UBE3B: variants seen among roughly 807,000 people sequenced by gnomAD.
UBE3B encodes the protein ubiquitin-protein ligase E3B.
UBE3B carries 80 observed loss-of-function variants against 132.3 expected under a neutral mutation model. That is an observed-to-expected ratio of 0.60 (90% confidence interval 0.50 to 0.73). UBE3B has a LOEUF of 0.73. Among genes scored for constraint, UBE3B ranks in the 30% least tolerant of loss-of-function variants. UBE3B has a pLI of 0.00. For missense variants in UBE3B, 1,196 were observed against 1,362.5 expected, an observed-to-expected ratio of 0.88 and a Z score of 1.92; for synonymous variants, 487 against 520.4, an observed-to-expected ratio of 0.94 and a Z score of 0.87.
chr12:109,527,502 G>C (rs543904936), intron 24 of UBE3B, among the ~76,000 whole-genome samples: 7 of 152,224 alleles, frequency 4.6e-5, no homozygotes, highest in Non-Finnish European at 8.8e-5. Flanking sequence ...TCGCAGTCCA[G>C]TGTTCCCAAG....
chr12:109,488,485 T>G, intron 6 of UBE3B, 87 bp from the exon 7 acceptor site: 1 of 1,170,882 alleles, frequency 8.5e-7, no homozygotes, highest in East Asian at 2.3e-5. Context: ...CCAGGCTGAG[T>G]GCCCATAGAG....
At chr12:109,488,697 C>G (rs1355826968) in intron 7 of UBE3B, 29 bp downstream of exon 7, 1 of 1,594,928 alleles carries the variant, frequency 6.3e-7, no homozygotes, top group Non-Finnish European at 8.6e-7. Context: ...AAAATGTTCT[C>G]TAACCAACAT....
In UBE3B at chr12:109,511,777, T is replaced by C. The variant is rs2241211; in HGVS notation, c.1956+474T>C. Among the ~76,000 whole-genome samples the C allele has an allele frequency of 2.0e-3, 301 of 152,286 alleles. 3 individuals are homozygous for C. The East Asian group carries it at 0.046, about 23-fold the overall frequency. ...GCTTTCTGCAAAGCCACCGGAGGGC[T>C]GGAAGCTTAGGAGGCACCTGGTCAG... On this transcript the variant is annotated intron_variant, in intron 18 of 27. Transcript: ENST00000342494.
downstream of UBE3B, among the ~76,000 whole-genome samples, chr12:109,538,689 C>A (rs536582594): frequency 7.1e-4 from 108 of 152,336 alleles, no homozygotes; most frequent in South Asian, 2.3e-3. The surrounding 1 kb of genome is among the most constrained non-coding windows in gnomAD (Gnocchi z 4.1). Flanking sequence ...CCTGCTGCTG[C>A]TGATGATCCC....
At chr12:109,547,414 G>A in the UBE3B span, among the ~76,000 whole-genome samples, 1 of 152,248 alleles carries the variant, frequency 6.6e-6, no homozygotes, top group African/African-American at 2.4e-5. The surrounding 1 kb of genome is among the most constrained non-coding windows in gnomAD (Gnocchi z 4.1). Context: ...GTTCCATCCT[G>A]AGAACTCGAT....
Position 109,516,946 on chromosome 12 carries a change from T to C in UBE3B, c.2076+62T>C, listed in dbSNP as rs1881143572. ...GTGGGCCCTGCAACATGGAAGCTCT[T>C]TAGTGGACGGTCTCTGGCTTTTGAA... On this transcript the variant is annotated intron_variant, in intron 19 of 27. Coordinates refer to ENST00000342494, the MANE Select transcript of UBE3B (RefSeq NM_130466.4). 2.5e-6 allele frequency: 4 copies of C among 1,583,672 alleles called. No homozygotes were observed. In the South Asian group the frequency reaches 4.5e-5, roughly 18 times the overall value.
chr12:109,494,083 C>T (rs1004164307), intron 9 of UBE3B, among the ~76,000 whole-genome samples: 2 of 152,172 alleles, frequency 1.3e-5, no homozygotes, highest in Non-Finnish European at 2.9e-5. Flanking sequence ...GCCTCAGCCT[C>T]TCAAAAAGTG....
At chr12:109,514,679 C>T (rs1197841124) in intron 18 of UBE3B, among the ~76,000 whole-genome samples, 1 of 152,106 alleles carries the variant, frequency 6.6e-6, no homozygotes, top group African/African-American at 2.4e-5. Flanking sequence ...CTCAAAAGTC[C>T]TACAGTTCCC....
At chr12:109,507,459 T>C in intron 14 of UBE3B, 105 bp from the exon 15 acceptor site, 1 of 1,244,930 alleles carries the variant, frequency 8.0e-7, no homozygotes, top group Non-Finnish European at 1.1e-6. Flanking sequence ...GCACATTAAA[T>C]GTTCATGGAT....
At chr12:109,510,041 T>C (rs542028473) in intron 16 of UBE3B, among the ~76,000 whole-genome samples, 1 of 152,318 alleles carries the variant, frequency 6.6e-6, no homozygotes, top group South Asian at 2.1e-4. Context: ...CAGTGCACAC[T>C]TGAGATGAGA....
intron 14 of UBE3B, among the ~76,000 whole-genome samples, chr12:109,507,193 C>G (rs1879796390): frequency 6.6e-6 from 1 of 152,232 alleles, no homozygotes; most frequent in Non-Finnish European, 1.5e-5. Context: ...AATGCTAAGT[C>G]AGACCTGAGT....
chr12:109,524,080 G>A lies in UBE3B; in HGVS notation c.2467G>A (p.Asp823Asn). 1 of 1,614,124 alleles carries A rather than the reference G, an allele frequency of 6.2e-7. No homozygotes were observed. The highest frequency in any genetic ancestry group is 8.5e-7 in the Non-Finnish European group (1 of 1,180,026). ...YSSVDELPSL[D>N]SEFYKNLTSI... Reference sequence around the variant, plus strand: ...CTCGGTGGATGAACTGCCTTCTCTGGACTCCGAGTTCTATAAAAACCTCAC... The same window carrying A: ...CTCGGTGGATGAACTGCCTTCTCTGAACTCCGAGTTCTATAAAAACCTCAC... The change falls in exon 22 of 28, where the codon GAC becomes AAC. Residue 823 changes from aspartate to asparagine, a missense_variant. Transcript: ENST00000342494.
Position 109,534,489 on chromosome 12 carries a change from A to C in UBE3B, c.3016-102A>C. 1 of 1,495,304 alleles carries C rather than the reference A, an allele frequency of 6.7e-7. No individual in the cohort carries two copies. Among genetic ancestry groups the C allele is most frequent in the Non-Finnish European group, 8.9e-7 (1 of 1,124,760 alleles). The allele number at this position is 1,495,304 out of a possible 1,614,324, so 92.6% of individuals were successfully genotyped here. A position where few individuals can be genotyped will look rare whatever the true frequency, so the allele number is the denominator to read the frequency against. On this transcript the variant is annotated intron_variant, in intron 27 of 27. Transcript: ENST00000342494. This position sits in a 1 kb window ranked among gnomAD's most constrained non-coding sequence, Gnocchi z 5.2. ...GCGCCCTGCACTCTGCCCAGCATCC[A>C]GGGACTGGCCAGATCCCCTCCCTGG...
chr12:109,537,503 G>T (rs568749634), downstream of UBE3B, among the ~76,000 whole-genome samples: 1 of 152,288 alleles, frequency 6.6e-6, no homozygotes, highest in East Asian at 1.9e-4. Context: ...AAGAACCCTG[G>T]AGAGGCTTGT....
chr12:109,483,572 C>A lies in UBE3B; in HGVS notation c.21C>A (p.Thr7=). MFTLSQ[T]SRAWFIDRAR... Reference sequence around the variant, plus strand: ...CAAACATGTTCACCCTGTCTCAGACCTCGAGAGCATGGTTCATCGATAGAG... The same window carrying A: ...CAAACATGTTCACCCTGTCTCAGACATCGAGAGCATGGTTCATCGATAGAG... The change falls in exon 3 of 28, where the codon ACC becomes ACA. Residue 7 remains threonine (T), a synonymous_variant. Transcript: ENST00000342494. The A allele has an allele frequency of 2.5e-6, 4 of 1,594,304 alleles. No individual in the cohort carries two copies. Among genetic ancestry groups the A allele is most frequent in the Non-Finnish European group, 2.6e-6 (3 of 1,173,354 alleles).
At position 109,483,516 on chromosome 12, in the gene UBE3B, C is replaced by T; in HGVS notation, c.-21-15C>T. ...ACAACAATCTACAACACCCACTTGC[C>T]CATTTTCCTTGCAGGGTTTGTGCAA... is the stretch of plus-strand genomic sequence containing the variant. On this transcript the variant is annotated splice_polypyrimidine_tract_variant and intron_variant, in intron 2 of 27. Transcript: ENST00000342494. 1 of 1,528,782 alleles carries T rather than the reference C, an allele frequency of 6.5e-7. No homozygotes were observed. Among genetic ancestry groups the T allele is most frequent in the African/African-American group, 1.4e-5 (1 of 72,134 alleles). The allele number at this position is 1,528,782 out of a possible 1,614,324, so 94.7% of individuals were successfully genotyped here.
chr12:109,542,845 C>T, the UBE3B span, among the ~76,000 whole-genome samples: 63 of 152,314 alleles, frequency 4.1e-4, no homozygotes, highest in African/African-American at 1.3e-3. Context: ...TGAATGTCTG[C>T]TGCTTAAGTC....
At chr12:109,527,474 A>G (rs1426333159) in intron 24 of UBE3B, among the ~76,000 whole-genome samples, 1 of 152,192 alleles carries the variant, frequency 6.6e-6, no homozygotes, top group African/African-American at 2.4e-5. Context: ...CTGGTGAGTC[A>G]TTTGAATCAG....
At chr12:109,506,440 C>T (rs1240506044) in intron 14 of UBE3B, among the ~76,000 whole-genome samples, 1 of 152,156 alleles carries the variant, frequency 6.6e-6, no homozygotes, top group Non-Finnish European at 1.5e-5. Flanking sequence ...CCTCTGCCTC[C>T]CAGGTTCAAG....
Sources: gnomAD v4.1 joint callset for allele counts (sites outside exome capture counted in the v4.1 genomes callset) on GRCh38, gnomAD v4.1.1 for gene constraint, Gnocchi (gnomAD v3.1) non-coding constraint, MANE v1.5 for transcripts, NCBI Gene and HGNC (gene_info 2026-07-23, HGNC 2026-07-21) for gene names.